Variants in SLC10A7 observed in about 807,000 individuals in gnomAD.
SLC10A7 encodes sodium/bile acid cotransporter 7.
In SLC10A7, 29 loss-of-function variants were observed where a neutral mutation model predicts 43.2. That is an observed-to-expected ratio of 0.67 (90% CI 0.50 to 0.92). The LOEUF is 0.92. SLC10A7 is among the 40% of genes least tolerant of loss of function. The pLI is 0.00. For missense variants in SLC10A7, 295 were observed against 403.2 expected (o/e 0.73, Z 2.30); for synonymous variants, 152 against 144.8 (o/e 1.05, Z -0.35).
At chr4:146,489,118 T>C (rs1437580210) in intron 4 of SLC10A7, among the ~76,000 whole-genome samples, 3 of 152,306 alleles carry the variant, frequency 2.0e-5, no homozygotes, top group East Asian at 1.9e-4. Context: ...AGTACAGAAA[T>C]GGCGAAAGCT....
At chr4:146,444,993 T>C (rs1730916013) in intron 4 of SLC10A7, among the ~76,000 whole-genome samples, 1 of 152,294 alleles carries the variant, frequency 6.6e-6, no homozygotes, top group African/African-American at 2.4e-5. Flanking sequence ...TTTATTGATA[T>C]ATAAAAGACA....
At chr4:146,384,610 T>C (rs550989759) in intron 5 of SLC10A7, among the ~76,000 whole-genome samples, 1 of 152,218 alleles carries the variant, frequency 6.6e-6, no homozygotes, top group South Asian at 2.1e-4. Flanking sequence ...TATGTATATA[T>C]AGGGATTTGG....
intron 5 of SLC10A7, among the ~76,000 whole-genome samples, chr4:146,356,144 T>C (rs1735609462): frequency 6.6e-6 from 1 of 151,062 alleles, no homozygotes; most frequent in Non-Finnish European, 1.5e-5. Context: ...CTTTCATATT[T>C]TGGCTCTCAT....
chr4:146,336,918 A>T (rs756123671), intron 5 of SLC10A7, among the ~76,000 whole-genome samples: 7 of 152,128 alleles, frequency 4.6e-5, no homozygotes, highest in South Asian at 2.1e-4. Context: ...GAAAAACAGC[A>T]TTCAAACTCA....
At chr4:146,311,580 C>T (rs1437440453) in intron 6 of SLC10A7, among the ~76,000 whole-genome samples, 3 of 152,156 alleles carry the variant, frequency 2.0e-5, no homozygotes, top group African/African-American at 7.2e-5. Context: ...ATTAGCACCA[C>T]ATTCAGGGAA....
chr4:146,281,396 C>CAAAAAAAAAAAAAAAAA (rs774519759), intron 10 of SLC10A7, among the ~76,000 whole-genome samples: 1 of 74,916 alleles, frequency 1.3e-5, no homozygotes, highest in African/African-American at 4.8e-5. Flanking sequence ...GAAGTAAAAT[C>CAAAAAAAAAAAAAAAAA]AAAAAAAAAA....
chr4:146,363,322 G>C (rs1578996646), intron 5 of SLC10A7, among the ~76,000 whole-genome samples: 1 of 152,010 alleles, frequency 6.6e-6, no homozygotes, highest in African/African-American at 2.4e-5. Context: ...TACAGCAATT[G>C]TCTATGTATA....
chr4:146,334,259 C>T (rs1733730239), intron 5 of SLC10A7, among the ~76,000 whole-genome samples: 1 of 152,082 alleles, frequency 6.6e-6, no homozygotes, highest in African/African-American at 2.4e-5. Context: ...ACAGTGAAAA[C>T]AGCTGAGTAG....
intron 5 of SLC10A7, among the ~76,000 whole-genome samples, chr4:146,382,547 T>C (rs1737703127): frequency 6.6e-6 from 1 of 152,138 alleles, no homozygotes; most frequent in South Asian, 2.1e-4. Flanking sequence ...TAATATTTAA[T>C]ATGAATGGCA....
intron 5 of SLC10A7, among the ~76,000 whole-genome samples, chr4:146,418,812 G>C (rs1234716258): frequency 6.6e-6 from 1 of 152,160 alleles, no homozygotes; most frequent in Non-Finnish European, 1.5e-5. Context: ...GTCCCACAAG[G>C]CTATCCCCCA....
intron 5 of SLC10A7, among the ~76,000 whole-genome samples, chr4:146,334,267 T>C (rs1489068368): frequency 2.0e-5 from 3 of 152,062 alleles, no homozygotes; most frequent in African/African-American, 7.2e-5. Context: ...AACAGCTGAG[T>C]AGTCCTCAGC....
intron 11 of SLC10A7, chr4:146,257,011 C>A: frequency 1.0e-6 from 1 of 1,001,218 alleles, no homozygotes; most frequent in African/African-American, 1.6e-5. Flanking sequence ...TTCTACAGAA[C>A]AAATTCTAGA....
chr4:146,481,344 TGC>T (rs1734456832), intron 4 of SLC10A7, among the ~76,000 whole-genome samples: 1 of 152,142 alleles, frequency 6.6e-6, no homozygotes, highest in Non-Finnish European at 1.5e-5. Context: ...GTAAAGTCAT[TGC>T]TGCACTGTGC....
chr4:146,346,728 A>G (rs1734648173), intron 5 of SLC10A7, among the ~76,000 whole-genome samples: 1 of 152,210 alleles, frequency 6.6e-6, no homozygotes, highest in South Asian at 2.1e-4. Context: ...CAGCATGCTT[A>G]AGAATATATC....
At chr4:146,462,165 C>T (rs1479238427) in intron 4 of SLC10A7, among the ~76,000 whole-genome samples, 2 of 151,762 alleles carry the variant, frequency 1.3e-5, no homozygotes, top group Non-Finnish European at 1.5e-5. Context: ...TGAGCTTTCT[C>T]CTGTATCACT....
chr4:146,255,790 C>G lies in SLC10A7; in HGVS notation c.*701G>C, dbSNP rs989837393. 3 of 152,138 alleles carry G rather than the reference C, an allele frequency of 2.0e-5. No homozygotes were observed. Among genetic ancestry groups the G allele is most frequent in the Non-Finnish European group, 4.4e-5 (3 of 68,022 alleles). 9.4% of individuals were successfully genotyped at this position (152,138 alleles called of 1,614,324 possible). On this transcript the variant is annotated 3_prime_UTR_variant, in exon 12 of 12. Coordinates refer to ENST00000335472, the MANE Select transcript of SLC10A7 (RefSeq NM_001029998.6). ...GATATATTTTAAAGACCCTGAAAATCAAATCACAGAGTTTAACTCAAAATT... is the reference window on the plus strand; with the variant it reads ...GATATATTTTAAAGACCCTGAAAATGAAATCACAGAGTTTAACTCAAAATT...
intron 5 of SLC10A7, among the ~76,000 whole-genome samples, chr4:146,395,896 AG>A (rs1738792041): frequency 6.6e-6 from 1 of 152,312 alleles, no homozygotes; most frequent in African/African-American, 2.4e-5. Flanking sequence ...TATAGAACTT[AG>A]CATACATGAA....
At chr4:146,274,715 A>G (rs1729100561) in intron 10 of SLC10A7, among the ~76,000 whole-genome samples, 1 of 152,210 alleles carries the variant, frequency 6.6e-6, no homozygotes, top group Non-Finnish European at 1.5e-5. Flanking sequence ...AATGAGGAAG[A>G]AGGTGATTCC....
chr4:146,440,281 T>C (rs1022615402), intron 5 of SLC10A7, among the ~76,000 whole-genome samples: 1 of 145,990 alleles, frequency 6.8e-6, no homozygotes, highest in Non-Finnish European at 1.5e-5. Flanking sequence ...GTCTTTTTTC[T>C]TTTCTTTTCT....
Sources: allele counts gnomAD v4.1 joint callset (sites outside exome capture counted in the v4.1 genomes callset), GRCh38; gene constraint gnomAD v4.1.1; transcripts MANE v1.5; gene names NCBI Gene and HGNC (gene_info 2026-07-23, HGNC 2026-07-21).